Variants in ARMH3 observed in about 807,000 individuals in gnomAD.
The protein encoded by ARMH3 is armadillo like helical domain containing 3, also known as armadillo-like helical domain-containing protein 3.
A neutral mutation model predicts 99.1 loss-of-function variants in ARMH3; 60 were observed. That is an observed-to-expected ratio of 0.61 (90% CI 0.49 to 0.75). The LOEUF (loss-of-function observed/expected upper bound fraction) is 0.75, where lower values mean the gene tolerates loss of function less well. ARMH3 is among the 30% of genes least tolerant of loss of function. ARMH3 has a pLI of 0.00. For missense variants in ARMH3, 679 were observed against 843.1 expected, an observed-to-expected ratio of 0.81 and a Z score of 2.41; for synonymous variants, 285 against 292.8, an observed-to-expected ratio of 0.97 and a Z score of 0.27.
chr10:102,030,470 AG>A (rs1399253043), intron 4 of ARMH3, among the ~76,000 whole-genome samples: 3 of 152,134 alleles, frequency 2.0e-5, no homozygotes, highest in African/African-American at 7.2e-5. Context: ...ACACTTTGGG[AG>A]GCTGAGGCAA....
chr10:101,863,304 G>C (rs187034571), intron 24 of ARMH3, among the ~76,000 whole-genome samples: 28 of 152,286 alleles, frequency 1.8e-4, no homozygotes, highest in Admixed American at 1.2e-3. Flanking sequence ...CAGGAATATA[G>C]AGCAAAATTT....
At chr10:101,851,823 G>C (rs2066607574) in intron 24 of ARMH3, among the ~76,000 whole-genome samples, 1 of 152,200 alleles carries the variant, frequency 6.6e-6, no homozygotes, top group South Asian at 2.1e-4. Context: ...TGCCTGGTGT[G>C]TCCCACAGAC....
At position 101,849,878 on chromosome 10, in the gene ARMH3, C is replaced by T. The variant is rs1405253727; in HGVS notation, c.1875G>A (p.Val625=). ...GCGTGAGCGTGTCATAGTTGGCTCT[C>T]ACCACCTCCAGCACCTGGAGGACAT... ...QLSEEQVLEV[V]RANYDTLTLK... Residue 625 remains valine, a synonymous_variant, in exon 25 of 26, where the codon GTG becomes GTA. Transcript: ENST00000370033. 3 of 1,614,078 alleles carry T rather than the reference C, an allele frequency of 1.9e-6. No individual in the cohort carries two copies. Among genetic ancestry groups the T allele is most frequent in the East Asian group, 4.5e-5 (2 of 44,870 alleles).
At chr10:102,020,750 G>A (rs968801326) in intron 8 of ARMH3, among the ~76,000 whole-genome samples, 2 of 150,554 alleles carry the variant, frequency 1.3e-5, no homozygotes, top group African/African-American at 4.9e-5. Flanking sequence ...CTACTCAGGA[G>A]GCTAAGGCAG....
At chr10:101,995,629 G>C (rs1164816697) in intron 15 of ARMH3, among the ~76,000 whole-genome samples, 1 of 152,136 alleles carries the variant, frequency 6.6e-6, no homozygotes, top group Admixed American at 6.5e-5. Context: ...GGTTCCTACT[G>C]TCATGGCTCA....
chr10:102,039,148 GTA>G (rs1322145161), intron 2 of ARMH3, among the ~76,000 whole-genome samples: 1 of 149,836 alleles, frequency 6.7e-6, no homozygotes, highest in Non-Finnish European at 1.5e-5. Flanking sequence ...CCTTGATAGT[GTA>G]TTTTTTTTTT....
chr10:101,852,998 C>T (rs1294363473), intron 24 of ARMH3, among the ~76,000 whole-genome samples: 1 of 151,784 alleles, frequency 6.6e-6, no homozygotes, highest in Non-Finnish European at 1.5e-5. Flanking sequence ...ATCCTCCTGC[C>T]TCAGCCTCCT....
chr10:101,899,272 C>T (rs2067916790), intron 23 of ARMH3, among the ~76,000 whole-genome samples: 2 of 152,140 alleles, frequency 1.3e-5, no homozygotes, highest in Admixed American at 6.5e-5. Context: ...CAATATACTA[C>T]AGAGTATGTT....
At chr10:101,961,121 C>A (rs1845281402) in intron 20 of ARMH3, among the ~76,000 whole-genome samples, 1 of 152,120 alleles carries the variant, frequency 6.6e-6, no homozygotes, top group African/African-American at 2.4e-5. Flanking sequence ...TGTTAAAGTA[C>A]AAGTATTTAA....
At chr10:102,047,677 G>A (rs565202214) in intron 1 of ARMH3, among the ~76,000 whole-genome samples, 1 of 151,996 alleles carries the variant, frequency 6.6e-6, no homozygotes, top group African/African-American at 2.4e-5. Context: ...TTGTAGAAAC[G>A]AGATTTCGCC....
chr10:101,963,700 A>G (rs1845408914), intron 20 of ARMH3, among the ~76,000 whole-genome samples: 1 of 151,602 alleles, frequency 6.6e-6, no homozygotes, highest in South Asian at 2.1e-4. Context: ...CTTGGGTTCA[A>G]GCGATTCTCC....
intron 23 of ARMH3, among the ~76,000 whole-genome samples, chr10:101,926,563 A>C (rs955297473): frequency 6.6e-6 from 1 of 152,194 alleles, no homozygotes; most frequent in Non-Finnish European, 1.5e-5. Flanking sequence ...GATAAGATGA[A>C]AAACTGCACA....
At chr10:101,948,865 T>C (rs192782899) in intron 22 of ARMH3, among the ~76,000 whole-genome samples, 3 of 151,962 alleles carry the variant, frequency 2.0e-5, no homozygotes, top group Admixed American at 2.0e-4. Flanking sequence ...TCAATAAATT[T>C]TGAAGCATTG....
chr10:101,967,999 C>T (rs1269574986), intron 20 of ARMH3, among the ~76,000 whole-genome samples: 1 of 152,068 alleles, frequency 6.6e-6, no homozygotes, highest in Non-Finnish European at 1.5e-5. Context: ...CGGAAATCTG[C>T]TTCCATCCTT....
At chr10:101,940,063 T>C in intron 22 of ARMH3, 125 bp from the exon 23 acceptor site, 2 of 651,938 alleles carry the variant, frequency 3.1e-6, no homozygotes. Flanking sequence ...CAATCTTCTG[T>C]TAAAAACATC....
intron 22 of ARMH3, among the ~76,000 whole-genome samples, chr10:101,940,905 A>C (rs1179838502): frequency 1.3e-5 from 2 of 152,226 alleles, no homozygotes; most frequent in Non-Finnish European, 2.9e-5. Context: ...AAACAGCACA[A>C]GTGCTCCTTG....
At chr10:101,858,827 A>G (rs567467541) in intron 24 of ARMH3, among the ~76,000 whole-genome samples, 1 of 152,362 alleles carries the variant, frequency 6.6e-6, no homozygotes, top group South Asian at 2.1e-4. Flanking sequence ...AAGGAGGCTC[A>G]GTGTGACATT....
Position 101,867,949 on chromosome 10 carries a change from G to A in ARMH3, c.1861-18057C>T, listed in dbSNP as rs80341600. On this transcript the variant is annotated intron_variant, in intron 24 of 25. Transcript: ENST00000370033. ...AGGTCAGGAGTTTGAGATCAGGCTG[G>A]GCAACATAGTGAGACCCTGTTTCTA... is the stretch of plus-strand genomic sequence containing the variant. 9.3e-3 allele frequency among the ~76,000 whole-genome samples: 1,409 copies of A among 151,424 alleles called. 16 individuals are homozygous for A. Among genetic ancestry groups the A allele is most frequent in the African/African-American group, 0.033 (1,348 of 41,214 alleles).
At chr10:102,016,237 C>T (rs2066748885) in intron 8 of ARMH3, among the ~76,000 whole-genome samples, 1 of 152,168 alleles carries the variant, frequency 6.6e-6, no homozygotes, top group African/African-American at 2.4e-5. Flanking sequence ...TTAAGCATCC[C>T]TAATCCAAAA....
Sources: gnomAD v4.1 joint callset for allele counts (sites outside exome capture counted in the v4.1 genomes callset) on GRCh38, gnomAD v4.1.1 for gene constraint, MANE v1.5 for transcripts, NCBI Gene and HGNC (gene_info 2026-07-23, HGNC 2026-07-21) for gene names.